Variants in HIVEP2 observed in about 807,000 individuals in gnomAD.
HIVEP2 encodes the protein HIVEP zinc finger 2.
In HIVEP2, 14 loss-of-function variants were observed where a neutral mutation model predicts 180.7. The observed-to-expected ratio is 0.08, with a 90% CI of 0.05 to 0.12. The LOEUF is 0.12. Among genes scored for constraint, HIVEP2 ranks in the 10% least tolerant of loss-of-function variants. The pLI is 1.00. For synonymous variants in HIVEP2, 1,184 were observed against 1,136.4 expected (o/e 1.04, Z -0.84); for missense variants, 2,579 against 3,008.5 (o/e 0.86, Z 3.34).
chr6:142,936,185 TTCTC>T (rs771285452), intron 1 of HIVEP2, among the ~76,000 whole-genome samples: 13 of 151,258 alleles, frequency 8.6e-5, no homozygotes, highest in East Asian at 1.9e-4. Flanking sequence ...CAGCACTTAA[TTCTC>T]TCTCTCTCTC....
Position 142,805,870 on chromosome 6 carries a change from A to G in HIVEP2, c.-527-22255T>C, listed in dbSNP as rs548109634. On this transcript the variant is annotated intron_variant, in intron 2 of 9. Coordinates refer to ENST00000367603, the MANE Select transcript of HIVEP2 (RefSeq NM_006734.4). ...TTTAACAAATATTTAATGAGCATAT[A>G]CCAAGTGTCAGATGTTTTGCCTGGT... Among the ~76,000 whole-genome samples the G allele has an allele frequency of 1.2e-4, 18 of 152,250 alleles. No individual in the cohort carries two copies. In the South Asian group the frequency reaches 3.7e-3, roughly 32 times the overall value.
intron 1 of HIVEP2, among the ~76,000 whole-genome samples, chr6:142,880,927 G>A (rs1398184316): frequency 6.6e-6 from 1 of 152,218 alleles, no homozygotes; most frequent in Non-Finnish European, 1.5e-5. Flanking sequence ...GAACCACTGG[G>A]GTTCAGACGT....
At chr6:142,909,097 G>A (rs1274653099) in intron 1 of HIVEP2, among the ~76,000 whole-genome samples, 1 of 152,076 alleles carries the variant, frequency 6.6e-6, no homozygotes, top group African/African-American at 2.4e-5. Context: ...CTACTATATG[G>A]AGCCTGTGTG....
intron 1 of HIVEP2, among the ~76,000 whole-genome samples, chr6:142,862,271 C>T (rs1775998550): frequency 6.6e-6 from 1 of 151,742 alleles, no homozygotes; most frequent in Admixed American, 6.6e-5. Context: ...ACAATTTCTC[C>T]CAATTTCTCC....
At chr6:142,868,257 A>G (rs1176630161) in intron 1 of HIVEP2, among the ~76,000 whole-genome samples, 1 of 152,222 alleles carries the variant, frequency 6.6e-6, no homozygotes, top group Non-Finnish European at 1.5e-5. Context: ...GCAAGAGGCC[A>G]CATACTACAA....
intron 1 of HIVEP2, among the ~76,000 whole-genome samples, chr6:142,910,438 T>G (rs1385176545): frequency 1.3e-5 from 2 of 151,896 alleles, no homozygotes; most frequent in Non-Finnish European, 2.9e-5. Context: ...CCATCTCTAC[T>G]AAAAAACACA....
Position 142,773,174 on chromosome 6 carries a change from T to C in HIVEP2, c.1565A>G (p.Asn522Ser), listed in dbSNP as rs1164448368. 6.2e-7 allele frequency: 1 copy of C among 1,614,136 alleles called. No homozygotes were observed. The highest frequency in any genetic ancestry group is 8.5e-7 in the Non-Finnish European group (1 of 1,180,018). The change falls in exon 5 of 10, where the codon AAC (asparagine) becomes AGC (serine). Residue 522 changes from asparagine (N) to serine (S), a missense_variant. Asn to Ser is a conservative substitution (Grantham distance 46). This residue lies in a region of HIVEP2 where 524 missense variants were observed against 563.6 expected (regional missense o/e 0.93). Transcript: ENST00000367603. ...GAGAACCGGGTTGCTGCCTTGGAAG[T>C]TTGCTGGATAAAGTTTTCCTTCGTT... ...IRNEGKLYPA[N>S]FQGSNPVLLE...
Position 142,774,707 on chromosome 6 carries a change from T to G in HIVEP2, c.32A>C (p.Lys11Thr), listed in dbSNP as rs778714607. MDTGDTALGQ[K>T]ATSRSGETDK... ...AGTTTCTCCAGACCTTGAGGTAGCT[T>G]TTTGTCCTAGAGCTGTGTCCCCAGT... Residue 11 changes from lysine (K) to threonine (T), a missense_variant, in exon 5 of 10, where the codon AAA becomes ACA. By Grantham distance (78) the Lys-to-Thr change is moderately conservative. This residue lies in a region of HIVEP2 where 207 missense variants were observed against 210.1 expected (regional missense o/e 0.99). Coordinates refer to ENST00000367603, the MANE Select transcript of HIVEP2 (RefSeq NM_006734.4). This position sits in a 1 kb window ranked among gnomAD's most constrained non-coding sequence, Gnocchi z 5.1. The G allele has an allele frequency of 3.1e-6, 5 of 1,614,184 alleles. No individual in the cohort carries two copies. Among genetic ancestry groups the G allele is most frequent in the Non-Finnish European group, 4.2e-6 (5 of 1,180,010 alleles).
intron 1 of HIVEP2, among the ~76,000 whole-genome samples, chr6:142,876,266 T>C (rs1776434804): frequency 6.6e-6 from 1 of 152,156 alleles, no homozygotes; most frequent in South Asian, 2.1e-4. Context: ...TGAACAGTAA[T>C]GTTTCCAGGG....
At chr6:142,835,581 C>T (rs1316013717) in intron 2 of HIVEP2, among the ~76,000 whole-genome samples, 1 of 152,150 alleles carries the variant, frequency 6.6e-6, no homozygotes, top group African/African-American at 2.4e-5. Context: ...AAATATATGT[C>T]TTCCTAATGG....
At chr6:142,851,612 C>T (rs1775674814) in intron 1 of HIVEP2, among the ~76,000 whole-genome samples, 1 of 152,226 alleles carries the variant, frequency 6.6e-6, no homozygotes, top group African/African-American at 2.4e-5. Flanking sequence ...TACAGCCTCA[C>T]TGTAAGTGCT....
At chr6:142,936,853 G>A (rs372165354) in intron 1 of HIVEP2, among the ~76,000 whole-genome samples, 1 of 143,520 alleles carries the variant, frequency 7.0e-6, no homozygotes, top group African/African-American at 2.6e-5. Flanking sequence ...TACTATTTTT[G>A]TCTATTGATG....
At chr6:142,818,482 G>T (rs1296363964) in intron 2 of HIVEP2, among the ~76,000 whole-genome samples, 2 of 151,822 alleles carry the variant, frequency 1.3e-5, no homozygotes, top group African/African-American at 4.8e-5. Flanking sequence ...TTCAAGACTA[G>T]CCTGGGCAAC....
chr6:142,861,093 G>C (rs546822889), intron 1 of HIVEP2, among the ~76,000 whole-genome samples: 7 of 152,102 alleles, frequency 4.6e-5, no homozygotes, highest in Non-Finnish European at 8.8e-5. Context: ...ACAACAGAAC[G>C]ACATGCCAGC....
At chr6:142,845,422 T>G (rs139315865) in intron 1 of HIVEP2, among the ~76,000 whole-genome samples, 1 of 152,324 alleles carries the variant, frequency 6.6e-6, no homozygotes, top group African/African-American at 2.4e-5. Flanking sequence ...CTTTCTCTCT[T>G]CAAAGTGTGT....
At chr6:142,822,248 T>C (rs893484197) in intron 2 of HIVEP2, among the ~76,000 whole-genome samples, 10 of 152,228 alleles carry the variant, frequency 6.6e-5, no homozygotes, top group African/African-American at 2.4e-4. Flanking sequence ...TGTGGGCTCA[T>C]TCTTAGCAGA....
intron 9 of HIVEP2, among the ~76,000 whole-genome samples, chr6:142,758,507 C>T (rs1775136600): frequency 6.6e-6 from 1 of 152,184 alleles, no homozygotes; most frequent in African/African-American, 2.4e-5. Context: ...GCACTTGACA[C>T]AGAGATCCGG....
intron 2 of HIVEP2, among the ~76,000 whole-genome samples, chr6:142,802,147 G>T (rs574097748): frequency 6.6e-6 from 1 of 152,252 alleles, no homozygotes; most frequent in Admixed American, 6.5e-5. Context: ...CTCCATACTG[G>T]GAGGAATTAA....
At chr6:142,932,164 G>A (rs768899781) in intron 1 of HIVEP2, among the ~76,000 whole-genome samples, 3 of 152,112 alleles carry the variant, frequency 2.0e-5, no homozygotes, top group Non-Finnish European at 4.4e-5. Context: ...AGATTATAAA[G>A]TCCTGATGAT....
Sources: gnomAD v4.1 joint callset for allele counts (sites outside exome capture counted in the v4.1 genomes callset) on GRCh38, gnomAD v4.1.1 for gene constraint, gnomAD v4.1.1 regional missense constraint, Gnocchi (gnomAD v3.1) non-coding constraint, MANE v1.5 for transcripts, NCBI Gene and HGNC (gene_info 2026-07-23, HGNC 2026-07-21) for gene names.